Variants in KLF12 observed in about 807,000 individuals in gnomAD.
The protein encoded by KLF12 is KLF transcription factor 12.
In KLF12, 9 loss-of-function variants were observed where a neutral mutation model predicts 37.8. The observed-to-expected ratio is 0.24, with a 90% confidence interval of 0.14 to 0.42. KLF12 has a LOEUF of 0.42. Among genes scored for constraint, KLF12 ranks in the 10% least tolerant of loss-of-function variants. The pLI is 1.00. For missense variants in KLF12, 411 were observed against 516.0 expected (o/e 0.80, Z 1.97); for synonymous variants, 208 against 202.1 (o/e 1.03, Z -0.25).
chr13:73,851,123 C>T (rs757153921), intron 3 of KLF12, among the ~76,000 whole-genome samples: 1 of 152,120 alleles, frequency 6.6e-6, no homozygotes, highest in Admixed American at 6.5e-5. Flanking sequence ...GCATTAAGTG[C>T]TTTTTAAGTA....
chr13:74,052,658 A>C (rs1872995707), intron 1 of KLF12, among the ~76,000 whole-genome samples: 1 of 152,196 alleles, frequency 6.6e-6, no homozygotes, highest in Non-Finnish European at 1.5e-5. Flanking sequence ...TAAGTTTTAA[A>C]GTCAATGTGC....
At chr13:73,906,729 A>T (rs563617632) in intron 3 of KLF12, among the ~76,000 whole-genome samples, 4 of 152,176 alleles carry the variant, frequency 2.6e-5, no homozygotes, top group Non-Finnish European at 5.9e-5. Flanking sequence ...GTTGGTGAAA[A>T]ATGATTGTGA....
At chr13:73,777,036 A>T (rs1880649926) in intron 5 of KLF12, among the ~76,000 whole-genome samples, 1 of 152,178 alleles carries the variant, frequency 6.6e-6, no homozygotes, top group South Asian at 2.1e-4. Flanking sequence ...CTGCAAACAG[A>T]AGAAGAGTTG....
the KLF12 span, among the ~76,000 whole-genome samples, chr13:74,305,193 A>G: frequency 2.6e-5 from 4 of 152,078 alleles, no homozygotes; most frequent in African/African-American, 9.7e-5. Flanking sequence ...TGATATCAAT[A>G]ACAGTTTTTT....
At chr13:73,902,957 C>A (rs1888103996) in intron 3 of KLF12, among the ~76,000 whole-genome samples, 1 of 152,242 alleles carries the variant, frequency 6.6e-6, no homozygotes, top group Non-Finnish European at 1.5e-5. Context: ...GCTGAGACAT[C>A]TATCTGTATA....
At chr13:73,993,702 T>A (rs1328555257) in intron 2 of KLF12, among the ~76,000 whole-genome samples, 2 of 152,220 alleles carry the variant, frequency 1.3e-5, no homozygotes, top group Non-Finnish European at 2.9e-5. Flanking sequence ...ATAAATGGAA[T>A]TATCAATGGT....
chr13:73,784,075 C>T (rs1413987378), intron 5 of KLF12, among the ~76,000 whole-genome samples: 1 of 152,132 alleles, frequency 6.6e-6, no homozygotes. Flanking sequence ...TTTATTAAGA[C>T]TCTTTCCCTG....
the KLF12 span, among the ~76,000 whole-genome samples, chr13:74,154,867 C>A: frequency 6.6e-6 from 1 of 152,328 alleles, no homozygotes; most frequent in African/African-American, 2.4e-5. Flanking sequence ...ATAGCTTGAA[C>A]AGGACATCTT....
the KLF12 span, among the ~76,000 whole-genome samples, chr13:74,215,912 G>A: frequency 6.6e-6 from 1 of 152,184 alleles, no homozygotes; most frequent in Non-Finnish European, 1.5e-5. Flanking sequence ...TGGTGTCCAT[G>A]AATCTGGAGC....
chr13:73,743,040 C>T (rs376597007), intron 6 of KLF12, among the ~76,000 whole-genome samples: 1 of 150,888 alleles, frequency 6.6e-6, no homozygotes, highest in South Asian at 2.1e-4. Context: ...AAAAAGGGAG[C>T]CTTTAGTCTC....
At chr13:73,884,589 T>TCC (rs959190720) in intron 3 of KLF12, among the ~76,000 whole-genome samples, 47 of 152,304 alleles carry the variant, frequency 3.1e-4, no homozygotes, top group African/African-American at 1.1e-3. Context: ...GGCCTGTACT[T>TCC]CCCATCCACA....
intron 3 of KLF12, among the ~76,000 whole-genome samples, chr13:73,915,404 G>T (rs1015050613): frequency 9.9e-5 from 15 of 152,132 alleles, no homozygotes; most frequent in Admixed American, 6.6e-5. Flanking sequence ...TTCCGTAGAA[G>T]TGTTGCCTTT....
intron 1 of KLF12, among the ~76,000 whole-genome samples, chr13:74,067,442 A>G (rs1347010120): frequency 6.6e-6 from 1 of 152,246 alleles, no homozygotes; most frequent in Admixed American, 6.5e-5. Flanking sequence ...TGGCATTATC[A>G]CAGTGTTAAA....
chr13:74,278,649 GCTGT>G, the KLF12 span, among the ~76,000 whole-genome samples: 2 of 152,082 alleles, frequency 1.3e-5, no homozygotes, highest in Non-Finnish European at 2.9e-5. Context: ...CGCTCCAATA[GCTGT>G]CTCCAAAAAT....
chr13:73,798,817 T>C (rs1273302241), intron 5 of KLF12, among the ~76,000 whole-genome samples: 1 of 152,002 alleles, frequency 6.6e-6, no homozygotes, highest in Non-Finnish European at 1.5e-5. Context: ...TTGGTAGGAG[T>C]GTAAAATGGC....
chr13:74,110,833 G>A (rs1429461858), intron 1 of KLF12, among the ~76,000 whole-genome samples: 1 of 152,108 alleles, frequency 6.6e-6, no homozygotes, highest in African/African-American at 2.4e-5. Context: ...TAGGATATGA[G>A]TACTACATGA....
At chr13:73,981,797 C>T (rs77141781) in intron 2 of KLF12, among the ~76,000 whole-genome samples, 12,122 of 152,136 alleles carry the variant, frequency 0.08, 672 homozygotes, top group Non-Finnish European at 0.12. Context: ...AAGAGTAACC[C>T]CTGGCCAGAC....
intron 1 of KLF12, among the ~76,000 whole-genome samples, chr13:74,120,078 A>C (rs1283933578): frequency 1.3e-5 from 2 of 152,232 alleles, no homozygotes. Context: ...GAAAACTGTC[A>C]ACCCAGAATT....
chr13:74,272,125 A>G, the KLF12 span, among the ~76,000 whole-genome samples: 3 of 152,192 alleles, frequency 2.0e-5, no homozygotes, highest in Non-Finnish European at 4.4e-5. Flanking sequence ...AAACTGGCAC[A>G]TTGTTTTCTT....
Sources: allele counts gnomAD v4.1 joint callset (sites outside exome capture counted in the v4.1 genomes callset), GRCh38; gene constraint gnomAD v4.1.1; transcripts MANE v1.5; gene names NCBI Gene and HGNC (gene_info 2026-07-23, HGNC 2026-07-21).